The following NARS2 variants were observed in gnomAD, a reference collection of about 807,000 sequenced individuals.
The protein encoded by NARS2 is asparaginyl-tRNA synthetase 2, mitochondrial.
Under a neutral mutation model 62.9 loss-of-function variants are expected in NARS2, and 60 were observed. That is an observed-to-expected ratio of 0.95 (90% CI 0.77 to 1.18). The LOEUF is 1.18. NARS2 is among the 50% of genes most tolerant of loss of function. The pLI, the probability that NARS2 is intolerant of heterozygous loss-of-function variation, is 0.00. For missense variants in NARS2, 619 were observed against 576.4 expected, an observed-to-expected ratio of 1.07 and a Z score of -0.76; for synonymous variants, 196 against 200.0, an observed-to-expected ratio of 0.98 and a Z score of 0.17.
At chr11:78,526,047 T>C (rs539207998) in intron 6 of NARS2, among the ~76,000 whole-genome samples, 256 of 152,180 alleles carry the variant, frequency 1.7e-3, no homozygotes, top group Non-Finnish European at 3.0e-3. Context: ...GTACCCTGAA[T>C]TGGATCCTGG....
At chr11:78,440,981 C>G (rs1224735862) in intron 13 of NARS2, 110 bp downstream of exon 13, 4 of 956,682 alleles carry the variant, frequency 4.2e-6, no homozygotes, top group African/African-American at 1.6e-5. Flanking sequence ...CAGTTAAGTT[C>G]ATTGTTTTTA....
chr11:78,544,611 G>A (rs574437076), intron 5 of NARS2, among the ~76,000 whole-genome samples: 10 of 151,938 alleles, frequency 6.6e-5, no homozygotes, highest in East Asian at 1.9e-4. Flanking sequence ...TGGCTAACAC[G>A]GTGAAACCCC....
intron 6 of NARS2, among the ~76,000 whole-genome samples, chr11:78,499,030 C>T (rs34500415): frequency 0.69 from 103,286 of 149,016 alleles, 37,327 homozygotes; most frequent in Non-Finnish European, 0.81. Flanking sequence ...CATTCTCCTG[C>T]CTCAGCCTCC....
At chr11:78,548,307 T>G (rs1261163708) in intron 5 of NARS2, among the ~76,000 whole-genome samples, 1 of 152,210 alleles carries the variant, frequency 6.6e-6, no homozygotes, top group Non-Finnish European at 1.5e-5. Flanking sequence ...TAGAAAAAAG[T>G]TGTTTTGAGA....
chr11:78,509,160 T>C (rs913231200), intron 6 of NARS2, among the ~76,000 whole-genome samples: 2 of 151,480 alleles, frequency 1.3e-5, no homozygotes, highest in African/African-American at 4.8e-5. Context: ...TCAGAAACTT[T>C]GGAAGCTAGA....
chr11:78,461,041 TACGTC>T (rs1858373871), intron 11 of NARS2, among the ~76,000 whole-genome samples: 1 of 152,226 alleles, frequency 6.6e-6, no homozygotes, highest in Non-Finnish European at 1.5e-5. Flanking sequence ...ATACGCATAC[TACGTC>T]ATTTTACATA....
At position 78,536,295 on chromosome 11, in the gene NARS2, T is replaced by C. The variant is rs140830594; in HGVS notation, c.595-7359A>G. On this transcript the variant is annotated intron_variant, in intron 5 of 13. Coordinates refer to ENST00000281038, the MANE Select transcript of NARS2 (RefSeq NM_024678.6). ...TTATCATTACTTTAGAGTGTACTCC[T>C]ACTTATTAAAAAAAGAAGTTAACTG... is the stretch of plus-strand genomic sequence containing the variant. Among the ~76,000 whole-genome samples the C allele has an allele frequency of 1.0e-3, 159 of 152,300 alleles. 2 individuals are homozygous for C. In the East Asian group the frequency reaches 0.028, roughly 27 times the overall value.
rs190592700 is a variant in NARS2 at position 78,518,233 on chromosome 11, G to A, written c.689+10609C>T. Among the ~76,000 whole-genome samples the A allele has an allele frequency of 2.0e-5, 3 of 152,262 alleles. No homozygotes were observed. In the East Asian group the frequency reaches 5.8e-4, roughly 29 times the overall value. On this transcript the variant is annotated intron_variant, in intron 6 of 13. Coordinates refer to ENST00000281038, the MANE Select transcript of NARS2 (RefSeq NM_024678.6). ...GAGATTAATTTAAAATATATGGGAG[G>A]ATGTGCATAGGTTATATGCAAATAC...
Position 78,436,445 on chromosome 11 carries a change from C to T in NARS2, c.*225G>A. Reference sequence around the variant, plus strand: ...AATTGAGGTAATGGATTTGAGAGTCCCCTTGCTATAAGTACCTCTTCTTGC... The same window carrying T: ...AATTGAGGTAATGGATTTGAGAGTCTCCTTGCTATAAGTACCTCTTCTTGC... On this transcript the variant is annotated 3_prime_UTR_variant, in exon 14 of 14. Transcript: ENST00000281038. The T allele has an allele frequency of 4.3e-5, 20 of 464,550 alleles. No homozygotes were observed. The highest frequency in any genetic ancestry group is 5.8e-5 in the Non-Finnish European group (15 of 260,346). The allele number at this position is 464,550 out of a possible 1,614,324, so 28.8% of individuals were successfully genotyped here. A position where few individuals can be genotyped will look rare whatever the true frequency, so the allele number is the denominator to read the frequency against.
At chr11:78,571,638 A>G in intron 1 of NARS2, 194 bp from the exon 2 acceptor site, 1 of 479,468 alleles carries the variant, frequency 2.1e-6, no homozygotes, top group South Asian at 3.5e-5. Flanking sequence ...TTGGTATTCT[A>G]TCTTTTGTTT....
intron 11 of NARS2, chr11:78,444,137 CTAA>C (rs1364350876): frequency 6.4e-6 from 1 of 156,870 alleles, no homozygotes; most frequent in Non-Finnish European, 1.4e-5. Context: ...CTTGTCTTAC[CTAA>C]TATTACAAAC....
Position 78,574,605 on chromosome 11 carries a change from G to T in NARS2, c.-117C>A. 3.5e-6 allele frequency: 4 copies of T among 1,138,214 alleles called. No homozygotes were observed. Among genetic ancestry groups the T allele is most frequent in the South Asian group, 1.6e-5 (1 of 62,342 alleles). 70.5% of individuals were successfully genotyped at this position (1,138,214 alleles called of 1,614,324 possible). On this transcript the variant is annotated 5_prime_UTR_variant, in exon 1 of 14. Transcript: ENST00000281038. ...TCCGCGGCCGCAGCTCTGCTCTAAG[G>T]CACTCCAGAGCCCCTCGGCTGCGCG...
intron 6 of NARS2, among the ~76,000 whole-genome samples, chr11:78,521,166 CTTTT>C (rs965232875): frequency 2.2e-5 from 3 of 135,370 alleles, no homozygotes; most frequent in Non-Finnish European, 3.2e-5. Context: ...CTCTCTCTTT[CTTTT>C]TTTTTTTTTT....
At chr11:78,503,598 G>A (rs757737339) in intron 6 of NARS2, among the ~76,000 whole-genome samples, 2 of 152,136 alleles carry the variant, frequency 1.3e-5, no homozygotes, top group Non-Finnish European at 2.9e-5. Context: ...TAATTGATAC[G>A]AAAGGTAGTA....
chr11:78,521,556 C>T (rs924675531), intron 6 of NARS2, among the ~76,000 whole-genome samples: 5 of 151,924 alleles, frequency 3.3e-5, no homozygotes, highest in Admixed American at 6.6e-5. Context: ...TTTGGGAGGC[C>T]GAGGCGAGCG....
At chr11:78,570,441 G>C (rs757406006) in intron 2 of NARS2, among the ~76,000 whole-genome samples, 1 of 152,208 alleles carries the variant, frequency 6.6e-6, no homozygotes, top group African/African-American at 2.4e-5. Context: ...AGGCTGGACT[G>C]CAGTGGCAAG....
chr11:78,570,397 T>TG (rs1590879226), intron 2 of NARS2, among the ~76,000 whole-genome samples: 2 of 152,128 alleles, frequency 1.3e-5, no homozygotes, highest in African/African-American at 4.8e-5. Flanking sequence ...GTTTTTGGTT[T>TG]GGGGGGTTTT....
At chr11:78,525,216 G>A (rs539777153) in intron 6 of NARS2, among the ~76,000 whole-genome samples, 26 of 152,202 alleles carry the variant, frequency 1.7e-4, no homozygotes, top group Non-Finnish European at 3.5e-4. Context: ...AATGGTGAAC[G>A]TATGTCATCT....
At position 78,484,732 on chromosome 11, in the gene NARS2, C is replaced by T. The variant is rs139428604; in HGVS notation, c.823-6049G>A. ...TGGCAATTATTAAGAAGTCAGGAAA[C>T]AACAGATGCTAGCAAGGCTGTGGAG... On this transcript the variant is annotated intron_variant, in intron 7 of 13. Transcript: ENST00000281038. Among the ~76,000 whole-genome samples, 58 of 152,264 alleles carry T rather than the reference C, an allele frequency of 3.8e-4. No individual in the cohort carries two copies. In the East Asian group the frequency reaches 0.01, roughly 27 times the overall value.
Sources: allele counts gnomAD v4.1 joint callset (sites outside exome capture counted in the v4.1 genomes callset), GRCh38; gene constraint gnomAD v4.1.1; transcripts MANE v1.5; gene names NCBI Gene and HGNC (gene_info 2026-07-23, HGNC 2026-07-21).